The following NRG1 variants were observed in gnomAD, a reference collection of about 807,000 sequenced individuals.
NRG1 encodes the protein neuregulin 1.
Under a neutral mutation model 63.8 loss-of-function variants are expected in NRG1, and 18 were observed. The ratio of observed to expected loss-of-function variants is 0.28; its 90% CI spans 0.19 to 0.42. NRG1 has a LOEUF of 0.42. NRG1 is among the 10% of genes least tolerant of loss of function. The pLI is 1.00. For missense variants in NRG1, 762 were observed against 814.7 expected (o/e 0.94, Z 0.79); for synonymous variants, 302 against 301.3 (o/e 1.00, Z -0.02).
intron 1 of NRG1, among the ~76,000 whole-genome samples, chr8:32,040,731 T>TGAAATTTAGGCGC (rs1563713224): frequency 1.1e-4 from 5 of 46,532 alleles, no homozygotes; most frequent in Admixed American, 2.5e-4. Context: ...TATATATATA[T>TGAAATTTAGGCGC]ATATATGAAA....
intron 1 of NRG1, among the ~76,000 whole-genome samples, chr8:31,793,154 G>T (rs1291420693): frequency 1.3e-5 from 2 of 152,108 alleles, no homozygotes; most frequent in African/African-American, 4.8e-5. Flanking sequence ...CTCAAGGTCT[G>T]TTTTTTCAAA....
intron 1 of NRG1, among the ~76,000 whole-genome samples, chr8:32,048,335 G>A (rs1821365174): frequency 6.8e-6 from 1 of 147,584 alleles, no homozygotes; most frequent in Admixed American, 6.8e-5. Context: ...ATATGTACAT[G>A]TATGTATGTA....
intron 1 of NRG1, among the ~76,000 whole-genome samples, chr8:32,432,441 A>G (rs1188349085): frequency 6.6e-6 from 1 of 152,114 alleles, no homozygotes; most frequent in Non-Finnish European, 1.5e-5. Flanking sequence ...CAGAAGGAAG[A>G]TTTTGAATCT....
intron 5 of NRG1, among the ~76,000 whole-genome samples, chr8:32,716,585 A>G (rs548839519): frequency 7.9e-5 from 12 of 152,180 alleles, no homozygotes; most frequent in Non-Finnish European, 1.8e-4. Flanking sequence ...GAAAAAACTA[A>G]TGAATTATAA....
upstream of NRG1, among the ~76,000 whole-genome samples, chr8:32,547,106 A>G (rs535434509): frequency 1.2e-4 from 19 of 152,358 alleles, no homozygotes; most frequent in African/African-American, 4.1e-4. Context: ...TAAGAGTCTA[A>G]GTTAACCACA....
chr8:31,650,652 A>G (rs1215661786), intron 1 of NRG1, among the ~76,000 whole-genome samples: 1 of 152,198 alleles, frequency 6.6e-6, no homozygotes, highest in African/African-American at 2.4e-5. Context: ...TTTCCTGTGT[A>G]CCTTACACAA....
At chr8:31,715,007 A>C (rs1261122285) in intron 1 of NRG1, among the ~76,000 whole-genome samples, 2 of 152,154 alleles carry the variant, frequency 1.3e-5, no homozygotes, top group African/African-American at 4.8e-5. Flanking sequence ...CCTTTCAAAG[A>C]ATATTTTTAT....
At chr8:31,948,687 GT>G (rs1487882956) in intron 1 of NRG1, among the ~76,000 whole-genome samples, 7 of 152,166 alleles carry the variant, frequency 4.6e-5, no homozygotes, top group Admixed American at 2.0e-4. Context: ...GCTGAAACCT[GT>G]TTGGAATCTT....
chr8:32,393,143 C>G (rs1158680660), intron 1 of NRG1, among the ~76,000 whole-genome samples: 1 of 152,152 alleles, frequency 6.6e-6, no homozygotes, highest in Non-Finnish European at 1.5e-5. Context: ...TATTTTTCCT[C>G]TTTTTATGGT....
intron 1 of NRG1, among the ~76,000 whole-genome samples, chr8:32,077,016 T>C (rs1826670650): frequency 6.6e-6 from 1 of 152,152 alleles, no homozygotes; most frequent in Non-Finnish European, 1.5e-5. Flanking sequence ...TCAACATTCT[T>C]CTCATAATGT....
chr8:32,389,140 G>C (rs1368509631), intron 1 of NRG1, among the ~76,000 whole-genome samples: 1 of 152,158 alleles, frequency 6.6e-6, no homozygotes, highest in East Asian at 1.9e-4. Context: ...AACCTTGACT[G>C]TCCCTTCCAC....
chr8:32,179,015 A>G (rs958410948), intron 1 of NRG1, among the ~76,000 whole-genome samples: 4 of 151,940 alleles, frequency 2.6e-5, no homozygotes, highest in Admixed American at 1.3e-4. Flanking sequence ...AGAGATGTAC[A>G]TTTGGTTTCT....
chr8:32,548,938 C>G (rs1272507497), intron 1 of NRG1, 112 bp downstream of exon 1: 3 of 1,335,906 alleles, frequency 2.2e-6, no homozygotes, highest in Non-Finnish European at 3.0e-6. Flanking sequence ...CCGTCCTCTT[C>G]GCCCTGCGCT....
At chr8:32,618,753 T>G (rs954047407) in intron 5 of NRG1, among the ~76,000 whole-genome samples, 5 of 152,102 alleles carry the variant, frequency 3.3e-5, no homozygotes, top group African/African-American at 1.2e-4. Flanking sequence ...TAACACGATA[T>G]ATTAGAAGGT....
chr8:32,172,654 T>A (rs1840203349), intron 1 of NRG1, among the ~76,000 whole-genome samples: 1 of 152,160 alleles, frequency 6.6e-6, no homozygotes, highest in African/African-American at 2.4e-5. Context: ...AAGGACCTGA[T>A]GGAGCTGAAA....
rs1817014627 is a variant in NRG1, at chr8:31,756,834, G to A, written c.37+117403G>A. 3.3e-5 allele frequency among the ~76,000 whole-genome samples: 5 copies of A among 152,232 alleles called. 1 individual carries two copies. Among genetic ancestry groups the A allele is most frequent in the African/African-American group, 7.2e-5 (3 of 41,548 alleles). ...TAGATTTGATGAGTCCATTAAGCCT[G>A]GCTTCCATCTTGTTGCTTTGTTTGT... On this transcript the variant is annotated intron_variant, in intron 1 of 10. Coordinates refer to the NRG1 transcript ENST00000519301.
intron 5 of NRG1, among the ~76,000 whole-genome samples, chr8:32,709,869 G>A (rs1031579410): frequency 1.3e-5 from 2 of 152,138 alleles, no homozygotes; most frequent in Non-Finnish European, 2.9e-5. Context: ...AGAGACTGAT[G>A]AAAATTACAC....
At chr8:32,177,942 C>T (rs1243066806) in intron 1 of NRG1, among the ~76,000 whole-genome samples, 1 of 151,992 alleles carries the variant, frequency 6.6e-6, no homozygotes, top group Middle Eastern at 3.2e-3. Context: ...TGATAGAATG[C>T]TCTACCTGTG....
At chr8:31,959,108 G>C (rs2129625329) in intron 1 of NRG1, among the ~76,000 whole-genome samples, 1 of 152,264 alleles carries the variant, frequency 6.6e-6, no homozygotes, top group South Asian at 2.1e-4. Flanking sequence ...CTGGTACAGA[G>C]GCCAGCACAT....
Sources: allele counts gnomAD v4.1 joint callset (sites outside exome capture counted in the v4.1 genomes callset), GRCh38; gene constraint gnomAD v4.1.1; transcripts MANE v1.5; gene names NCBI Gene and HGNC (gene_info 2026-07-23, HGNC 2026-07-21).